Variants in RP1 observed in about 807,000 individuals in gnomAD.
RP1 encodes the protein oxygen-regulated protein 1.
RP1 carries 16 observed loss-of-function variants against 14.8 expected under a neutral mutation model. That is an observed-to-expected ratio of 1.08 (90% CI 0.73 to 1.65). RP1 has a LOEUF of 1.65. Among genes scored for constraint, RP1 ranks in the 40% most tolerant of loss-of-function variants. The pLI is 0.00. For missense variants in RP1, 2,631 were observed against 2,535.0 expected (o/e 1.04, Z -0.81); for synonymous variants, 876 against 883.6 (o/e 0.99, Z 0.15).
At chr8:54,804,163 G>A (rs1004718570) in intron 24 of RP1, among the ~76,000 whole-genome samples, 1 of 151,906 alleles carries the variant, frequency 6.6e-6, no homozygotes, top group South Asian at 2.1e-4. Context: ...CTAGGTTAGA[G>A]GGGTTAGTAG....
intron 24 of RP1, chr8:54,783,823 A>C (rs184533973): frequency 1.5e-6 from 1 of 675,716 alleles, no homozygotes; most frequent in East Asian, 3.4e-5. Flanking sequence ...TTTGCATTAA[A>C]TTTGCTTGGT....
chr8:54,855,896 A>C (rs1647630872), intron 26 of RP1, among the ~76,000 whole-genome samples: 1 of 151,242 alleles, frequency 6.6e-6, no homozygotes, highest in Non-Finnish European at 1.5e-5. Context: ...TACGGAGTGC[A>C]TATTAGTATA....
At chr8:54,781,830 AC>A (rs1190330842) in intron 23 of RP1, among the ~76,000 whole-genome samples, 1 of 152,192 alleles carries the variant, frequency 6.6e-6, no homozygotes, top group African/African-American at 2.4e-5. Context: ...TAGTTATTCC[AC>A]CCTTAAGGCC....
intron 7 of RP1, among the ~76,000 whole-genome samples, chr8:54,672,223 T>C (rs1382030385): frequency 1.3e-5 from 2 of 152,136 alleles, no homozygotes; most frequent in Non-Finnish European, 2.9e-5. Context: ...TATCTGCCAT[T>C]TCTGCCATGG....
chr8:54,569,507 G>A lies in RP1; in HGVS notation c.-13+10187G>A, dbSNP rs1181041938. 3.9e-5 allele frequency among the ~76,000 whole-genome samples: 6 copies of A among 152,316 alleles called. No individual in the cohort carries two copies. In the South Asian group the frequency reaches 6.2e-4, roughly 16 times the overall value. ...TTCCCATTGTAAGATGAACAAAGTG[G>A]CATTCTGATATTATACATTATTCTC... On this transcript the variant is annotated intron_variant, in intron 1 of 22. Transcript: ENST00000636932.
At chr8:54,732,509 T>C (rs965184492) in intron 17 of RP1, among the ~76,000 whole-genome samples, 2 of 152,164 alleles carry the variant, frequency 1.3e-5, no homozygotes, top group Non-Finnish European at 2.9e-5. Flanking sequence ...CAGCAAATAA[T>C]AGGAACTAAA....
chr8:54,802,209 A>G (rs959930984), intron 24 of RP1, among the ~76,000 whole-genome samples: 5 of 152,186 alleles, frequency 3.3e-5, no homozygotes, highest in African/African-American at 1.2e-4. Flanking sequence ...AGACATATTT[A>G]AGAAAGACCT....
chr8:54,764,175 C>A (rs1809709617), intron 22 of RP1, among the ~76,000 whole-genome samples: 1 of 152,178 alleles, frequency 6.6e-6, no homozygotes, highest in African/African-American at 2.4e-5. Flanking sequence ...GGCCTTCGGG[C>A]AAGGCAAACT....
At chr8:54,740,254 A>G (rs1809042564) in intron 19 of RP1, among the ~76,000 whole-genome samples, 1 of 151,052 alleles carries the variant, frequency 6.6e-6, no homozygotes, top group Admixed American at 6.6e-5. Context: ...ATAGGAGATG[A>G]CAGCTTCATG....
chr8:54,650,789 TAGAACTTTC>T (rs1563338059), intron 4 of RP1, among the ~76,000 whole-genome samples: 1 of 151,362 alleles, frequency 6.6e-6, no homozygotes, highest in African/African-American at 2.4e-5. Flanking sequence ...TTGCTGTAGC[TAGAACTTTC>T]AGTACAGTGT....
At chr8:54,608,461 A>C (rs1221275531) in intron 1 of RP1, among the ~76,000 whole-genome samples, 1 of 152,216 alleles carries the variant, frequency 6.6e-6, no homozygotes. Context: ...CTGACTAACC[A>C]AATGACTTGG....
chr8:54,720,411 A>C, intron 16 of RP1: 1 of 1,046,956 alleles, frequency 9.6e-7, no homozygotes, highest in African/African-American at 1.6e-5. Flanking sequence ...CTCTGCTGCT[A>C]GGCTTTTTTG....
chr8:54,566,445 G>GT (rs1804409660), intron 1 of RP1, among the ~76,000 whole-genome samples: 1 of 152,132 alleles, frequency 6.6e-6, no homozygotes, highest in South Asian at 2.1e-4. Flanking sequence ...GGCAGCTCAC[G>GT]TTTTTGGGGC....
At chr8:54,718,225 GT>G (rs776667105) in intron 15 of RP1, among the ~76,000 whole-genome samples, 2 of 152,122 alleles carry the variant, frequency 1.3e-5, no homozygotes, top group African/African-American at 2.4e-5. Context: ...CTGGTCCTGA[GT>G]TTATATGAAA....
chr8:54,611,845 T>G (rs996226195), upstream of RP1, among the ~76,000 whole-genome samples: 1 of 151,790 alleles, frequency 6.6e-6, no homozygotes, highest in South Asian at 2.1e-4. Flanking sequence ...CCCCTCCCCA[T>G]GGTTTGTTGT....
intron 24 of RP1, among the ~76,000 whole-genome samples, chr8:54,833,621 G>T (rs1453586647): frequency 6.6e-6 from 1 of 152,002 alleles, no homozygotes; most frequent in South Asian, 2.1e-4. Flanking sequence ...CCTTAATCAC[G>T]CAACTCCTTC....
At chr8:54,647,401 C>A (rs139717793) in intron 3 of RP1, among the ~76,000 whole-genome samples, 1 of 151,850 alleles carries the variant, frequency 6.6e-6, no homozygotes, top group East Asian at 1.9e-4. Flanking sequence ...GTGACACCAG[C>A]GAGACTCCCT....
chr8:54,722,263 G>GTT (rs1808553464), intron 16 of RP1, among the ~76,000 whole-genome samples: 3 of 123,298 alleles, frequency 2.4e-5, no homozygotes, highest in African/African-American at 1.0e-4. Flanking sequence ...ATTTTAGAAT[G>GTT]GTTTTTTTTT....
In RP1 at chr8:54,780,954, G is replaced by C. The variant is rs557030318; in HGVS notation, c.3452-2593G>C. On this transcript the variant is annotated intron_variant, in intron 23 of 28. Coordinates refer to the RP1 transcript ENST00000637698. Reference sequence around the variant, plus strand: ...ATTGTAAATATGGAAGATCCTGTTAGACTTTACTTCATTGTTGAGAAGAAA... The same window carrying C: ...ATTGTAAATATGGAAGATCCTGTTACACTTTACTTCATTGTTGAGAAGAAA... 3.4e-5 allele frequency: 33 copies of C among 984,742 alleles called. No individual in the cohort carries two copies. In the African/African-American group the frequency reaches 5.8e-4, roughly 17 times the overall value. 61.0% of individuals were successfully genotyped at this position (984,742 alleles called of 1,614,324 possible).
Sources: allele counts gnomAD v4.1 joint callset (sites outside exome capture counted in the v4.1 genomes callset), GRCh38; gene constraint gnomAD v4.1.1; transcripts MANE v1.5; gene names NCBI Gene and HGNC (gene_info 2026-07-23, HGNC 2026-07-21).